The following JAM2 variants were observed in gnomAD, a reference collection of about 807,000 sequenced individuals.
The protein encoded by JAM2 is junctional adhesion molecule 2.
JAM2 carries 17 observed loss-of-function variants against 42.0 expected under a neutral mutation model. The ratio of observed to expected loss-of-function variants is 0.40; its 90% CI spans 0.28 to 0.61. The LOEUF (loss-of-function observed/expected upper bound fraction) is 0.61. Among genes scored for constraint, JAM2 ranks in the 20% least tolerant of loss-of-function variants. JAM2 has a pLI of 0.37. For missense variants in JAM2, 319 were observed against 358.3 expected (o/e 0.89, Z 0.89); for synonymous variants, 118 against 128.6 (o/e 0.92, Z 0.56).
In JAM2 at chr21:25,688,748, A is replaced by C. The variant is rs577839645; in HGVS notation, c.134-1118A>C. On this transcript the variant is annotated intron_variant, in intron 2 of 9. Transcript: ENST00000480456. ...CCAGCAATATGTGTGGAATGAAAAA[A>C]ATTAGAAACTAAATATTCTGCATTC... Among the ~76,000 whole-genome samples, 14 of 152,338 alleles carry C rather than the reference A, an allele frequency of 9.2e-5. No individual in the cohort carries two copies. The South Asian group carries it at 2.9e-3, about 32-fold the overall frequency.
At chr21:25,649,435 T>A (rs1216079654) in intron 1 of JAM2, among the ~76,000 whole-genome samples, 4 of 152,148 alleles carry the variant, frequency 2.6e-5, no homozygotes, top group Non-Finnish European at 4.4e-5. Context: ...TCAGATCTCA[T>A]AAGAGCTCAT....
intron 1 of JAM2, among the ~76,000 whole-genome samples, chr21:25,670,358 C>T (rs961174482): frequency 1.3e-5 from 2 of 152,018 alleles, no homozygotes; most frequent in African/African-American, 4.8e-5. Context: ...GTGGTATGTG[C>T]CCACAGTCCC....
chr21:25,664,683 A>G (rs74920031), intron 1 of JAM2, among the ~76,000 whole-genome samples: 2,046 of 152,242 alleles, frequency 0.013, 51 homozygotes, highest in African/African-American at 0.046. Flanking sequence ...CCTCTTCTCA[A>G]TCTCTTACAT....
At chr21:25,644,777 G>A (rs1159460287) in intron 1 of JAM2, among the ~76,000 whole-genome samples, 1 of 152,186 alleles carries the variant, frequency 6.6e-6, no homozygotes, top group Non-Finnish European at 1.5e-5. Context: ...CAGTGCTGTA[G>A]CCAAGAATAT....
chr21:25,703,095 G>A (rs2034201979), intron 6 of JAM2, among the ~76,000 whole-genome samples: 3 of 152,052 alleles, frequency 2.0e-5, no homozygotes, highest in East Asian at 3.9e-4. Flanking sequence ...CAGGTGATCC[G>A]CCCACCTTGG....
chr21:25,712,319 T>C, intron 8 of JAM2, 21 bp from the exon 9 acceptor site: 1 of 1,532,614 alleles, frequency 6.5e-7, no homozygotes, highest in South Asian at 1.1e-5. Context: ...GTAAATATTG[T>C]CTTTTATATT....
intron 9 of JAM2, 88 bp from the exon 10 acceptor site, chr21:25,714,552 C>T (rs1047485964): frequency 4.6e-6 from 4 of 870,918 alleles, no homozygotes; most frequent in Non-Finnish European, 7.1e-6. Flanking sequence ...AGAATTCTTA[C>T]AATAAATATA....
chr21:25,666,595 G>A (rs902004896), intron 1 of JAM2, among the ~76,000 whole-genome samples: 6 of 152,138 alleles, frequency 3.9e-5, no homozygotes, highest in Non-Finnish European at 7.4e-5. Context: ...GGAATGCAGT[G>A]GCGAGATCAC....
chr21:25,699,722 C>CAAAAAA (rs59490509), intron 5 of JAM2, among the ~76,000 whole-genome samples: 9 of 41,942 alleles, frequency 2.1e-4, no homozygotes, highest in East Asian at 1.3e-3. Flanking sequence ...GGCTCCGTCT[C>CAAAAAA]AAAAAAAAAA....
Position 25,715,337 on chromosome 21 carries a change from A to G in JAM2, c.*665A>G, listed in dbSNP as rs941645825. On this transcript the variant is annotated 3_prime_UTR_variant, in exon 10 of 10. Transcript: ENST00000480456. ...GGTGTGTGTCACTGATTTCTTCATT[A>G]AACGTAATTTAGATGGTCAAACACA... is the stretch of plus-strand genomic sequence containing the variant. The G allele has an allele frequency of 6.6e-6, 1 of 152,208 alleles. No individual in the cohort carries two copies. Among genetic ancestry groups the G allele is most frequent in the African/African-American group, 2.4e-5 (1 of 41,452 alleles). The allele number at this position is 152,208 out of a possible 1,614,324, so 9.4% of individuals were successfully genotyped here.
intron 1 of JAM2, among the ~76,000 whole-genome samples, chr21:25,669,248 C>T (rs2033296889): frequency 6.6e-6 from 1 of 151,862 alleles, no homozygotes; most frequent in South Asian, 2.1e-4. Flanking sequence ...TGGCTAACAG[C>T]TGTGGTCCAG....
intron 1 of JAM2, among the ~76,000 whole-genome samples, chr21:25,650,498 GA>G (rs2032743096): frequency 6.6e-6 from 1 of 152,140 alleles, no homozygotes; most frequent in East Asian, 1.9e-4. Flanking sequence ...GCTATCTAAA[GA>G]TGCTGGCATG....
At chr21:25,706,975 T>C (rs2034285833) in intron 7 of JAM2, among the ~76,000 whole-genome samples, 1 of 152,050 alleles carries the variant, frequency 6.6e-6, no homozygotes, top group Non-Finnish European at 1.5e-5. Context: ...CCTGACCTCC[T>C]GATCCACCCA....
At chr21:25,661,740 C>G (rs1422992667) in intron 1 of JAM2, among the ~76,000 whole-genome samples, 1 of 151,708 alleles carries the variant, frequency 6.6e-6, no homozygotes, top group Non-Finnish European at 1.5e-5. Flanking sequence ...TGTTAAGAAC[C>G]AATAAATTAA....
chr21:25,668,547 T>G (rs1186455605), intron 1 of JAM2, among the ~76,000 whole-genome samples: 1 of 152,222 alleles, frequency 6.6e-6, no homozygotes, highest in Non-Finnish European at 1.5e-5. Flanking sequence ...TGCCAGATTT[T>G]TCTCAACCAG....
chr21:25,698,960 TAG>T (rs1159735093), intron 5 of JAM2, 81 bp downstream of exon 5: 2 of 1,242,926 alleles, frequency 1.6e-6, no homozygotes, highest in Admixed American at 3.5e-5. Flanking sequence ...TGACGTTTAA[TAG>T]AGAGCTGATA....
intron 1 of JAM2, among the ~76,000 whole-genome samples, chr21:25,662,550 C>T (rs1456300864): frequency 5.3e-5 from 8 of 152,130 alleles, no homozygotes; most frequent in Non-Finnish European, 1.2e-4. Context: ...ACCTCCTGGG[C>T]TTAAGTGATC....
chr21:25,665,806 C>T (rs1453833740), intron 1 of JAM2, among the ~76,000 whole-genome samples: 4 of 151,942 alleles, frequency 2.6e-5, no homozygotes, highest in Admixed American at 1.3e-4. Context: ...TTTGGGAGGC[C>T]GAGGCGGGTG....
chr21:25,681,018 G>A (rs959886202), intron 1 of JAM2, among the ~76,000 whole-genome samples: 2 of 152,130 alleles, frequency 1.3e-5, no homozygotes, highest in African/African-American at 4.8e-5. Context: ...GGTCATTTTC[G>A]TCTTGGTGAA....
Sources: gnomAD v4.1 joint callset for allele counts (sites outside exome capture counted in the v4.1 genomes callset) on GRCh38, gnomAD v4.1.1 for gene constraint, MANE v1.5 for transcripts, NCBI Gene and HGNC (gene_info 2026-07-23, HGNC 2026-07-21) for gene names.